SDK1: variants seen among roughly 807,000 people sequenced by gnomAD.
The protein encoded by SDK1 is protein sidekick-1.
Under a neutral mutation model 245.5 loss-of-function variants are expected in SDK1, and 157 were observed. The observed-to-expected ratio is 0.64, with a 90% CI of 0.56 to 0.73. The LOEUF (loss-of-function observed/expected upper bound fraction) is 0.73, where lower values mean the gene tolerates loss of function less well. Ranked by LOEUF, SDK1 falls within the 30% of genes least tolerant of loss-of-function variation. The probability of loss-of-function intolerance (pLI) is 0.00; values close to 1 mark genes in which losing one functional copy is unlikely to be tolerated. For synonymous variants in SDK1, 1,647 were observed against 1,278.5 expected (o/e 1.29, Z -6.15); for missense variants, 3,583 against 3,002.3 (o/e 1.19, Z -4.52).
intron 1 of SDK1, among the ~76,000 whole-genome samples, chr7:3,387,814 T>C (rs1781646996): frequency 6.6e-6 from 1 of 152,246 alleles, no homozygotes; most frequent in Non-Finnish European, 1.5e-5. Context: ...GTTTACTACA[T>C]GTCAGTACCA....
At chr7:4,101,915 G>A (rs1782577997) in intron 22 of SDK1, among the ~76,000 whole-genome samples, 1 of 152,122 alleles carries the variant, frequency 6.6e-6, no homozygotes, top group Non-Finnish European at 1.5e-5. Context: ...GATCGAGAGA[G>A]CCAGCACCCC....
In SDK1 at chr7:4,113,406, T is replaced by A. The variant is rs780139774; in HGVS notation, c.3552T>A (p.Thr1184=). 1.2e-6 allele frequency: 2 copies of A among 1,613,936 alleles called. No individual in the cohort carries two copies. Among genetic ancestry groups the A allele is most frequent in the Admixed American group, 3.3e-5 (2 of 60,026 alleles). The change falls in exon 24 of 45, where the codon ACT becomes ACA. Residue 1184 remains threonine (T), a synonymous_variant. Coordinates refer to ENST00000404826, the MANE Select transcript of SDK1 (RefSeq NM_152744.4). The part of the protein sequence containing the change: ...DVAPTSVTVR[T]ASETSLRLRW... ...CTCCAACCAGCGTCACGGTCCGTAC[T>A]GCCAGTGAGACCAGCCTGCGGCTTC...
chr7:4,232,407 C>CTTTTTTTTTTT lies in SDK1; in HGVS notation c.5828-845_5828-844insTTTTTTTTTTT, dbSNP rs201396862. On this transcript the variant is annotated intron_variant, in intron 40 of 44. Transcript: ENST00000404826. ...TTCTTTTTTTCTTTTCTTTTCTTTT[C>CTTTTTTTTTTT]TTTCTTTTTTTTTTTTTTTTGTTAT... 2.4e-3 allele frequency among the ~76,000 whole-genome samples: 179 copies of CTTTTTTTTTTT among 73,104 alleles called. 1 individual carries two copies. The highest frequency in any genetic ancestry group is 3.3e-3 in the Non-Finnish European group (127 of 38,606). 48.0% of individuals were successfully genotyped at this position (73,104 alleles called of 152,430 possible).
rs769911100 is a variant in SDK1, at chr7:4,077,104, C to G, written c.3117C>G (p.Thr1039=). 1.9e-6 allele frequency: 3 copies of G among 1,614,208 alleles called. No individual in the cohort carries two copies. The highest frequency in any genetic ancestry group is 2.2e-5 in the East Asian group (1 of 44,868). The change falls in exon 21 of 45, where the codon ACC becomes ACG. Residue 1039 remains threonine, a synonymous_variant. Transcript: ENST00000404826. ...EYKIQGLSSL[T]TYTIDVAAVT... ...AGATCCAAGGCCTCTCATCTCTCAC[C>G]ACCTACACCATCGACGTGGCCGCTG...
chr7:3,905,115 A>G (rs1468007609), intron 5 of SDK1, among the ~76,000 whole-genome samples: 1 of 151,698 alleles, frequency 6.6e-6, no homozygotes, highest in Admixed American at 6.6e-5. Flanking sequence ...TATAATCAGC[A>G]CCTTTTTTTT....
At chr7:3,356,154 G>C (rs948347254) in intron 1 of SDK1, among the ~76,000 whole-genome samples, 1 of 152,178 alleles carries the variant, frequency 6.6e-6, no homozygotes, top group Non-Finnish European at 1.5e-5. Context: ...AATGTTGCTA[G>C]GGATTCACAG....
At chr7:4,109,683 C>T (rs1254758209) in intron 22 of SDK1, among the ~76,000 whole-genome samples, 4 of 152,184 alleles carry the variant, frequency 2.6e-5, no homozygotes, top group African/African-American at 7.2e-5. Flanking sequence ...GGCACAAGGC[C>T]GTGGCTGTCT....
rs115707658 is a variant in SDK1 at position 3,577,742 on chromosome 7, G to C, written c.299-41338G>C. On this transcript the variant is annotated intron_variant, in intron 1 of 44. Transcript: ENST00000404826. The stretch of plus-strand genomic sequence containing the variant: ...TGTGAGGAAGGCATTTTCTGTGTTA[G>C]TAACGAGTGCACTGGCTTGCATTCA... 5.4e-3 allele frequency among the ~76,000 whole-genome samples: 819 copies of C among 152,180 alleles called. 11 individuals are homozygous for C. Among genetic ancestry groups the C allele is most frequent in the South Asian group, 0.018 (85 of 4,824 alleles).
intron 4 of SDK1, among the ~76,000 whole-genome samples, chr7:3,821,064 GT>G (rs1779633114): frequency 6.6e-6 from 1 of 152,218 alleles, no homozygotes; most frequent in Admixed American, 6.5e-5. Context: ...CTTGCGCTGG[GT>G]CAGGGTTGTG....
intron 41 of SDK1, among the ~76,000 whole-genome samples, chr7:4,237,395 C>T (rs943144055): frequency 6.6e-6 from 1 of 151,944 alleles, no homozygotes; most frequent in African/African-American, 2.4e-5. Context: ...GACAGAGGAG[C>T]CCTGAGCCTG....
At chr7:3,833,149 C>T (rs115637402) in intron 5 of SDK1, among the ~76,000 whole-genome samples, 53 of 152,058 alleles carry the variant, frequency 3.5e-4, no homozygotes, top group African/African-American at 1.3e-3. Flanking sequence ...ACTGGAAGTG[C>T]GGAACTCTAG....
intron 4 of SDK1, among the ~76,000 whole-genome samples, chr7:3,744,356 T>C (rs1779557636): frequency 6.6e-6 from 1 of 152,184 alleles, no homozygotes; most frequent in African/African-American, 2.4e-5. Context: ...TCATTGTTTG[T>C]AATGTCTATT....
At chr7:4,043,884 G>A (rs1461939067) in intron 17 of SDK1, among the ~76,000 whole-genome samples, 1 of 151,786 alleles carries the variant, frequency 6.6e-6, no homozygotes, top group African/African-American at 2.4e-5. Context: ...CAGAGGTTGT[G>A]GGTTCTAAGA....
At chr7:3,437,634 G>A (rs1197265901) in intron 1 of SDK1, among the ~76,000 whole-genome samples, 1 of 152,068 alleles carries the variant, frequency 6.6e-6, no homozygotes, top group African/African-American at 2.4e-5. Flanking sequence ...GGATGTGATG[G>A]TGCGCGCCTG....
At chr7:3,573,940 A>G (rs1021926590) in intron 1 of SDK1, among the ~76,000 whole-genome samples, 6 of 151,988 alleles carry the variant, frequency 3.9e-5, no homozygotes, top group African/African-American at 9.7e-5. Flanking sequence ...TCAATTCTAC[A>G]TGCATTTACT....
chr7:3,691,273 A>G (rs1368580865), intron 4 of SDK1, among the ~76,000 whole-genome samples: 1 of 152,228 alleles, frequency 6.6e-6, no homozygotes, highest in Non-Finnish European at 1.5e-5. Flanking sequence ...ACAGAGTAAA[A>G]AATGCCATAG....
At chr7:4,205,379 C>G (rs1474875355) in intron 35 of SDK1, among the ~76,000 whole-genome samples, 3 of 152,134 alleles carry the variant, frequency 2.0e-5, no homozygotes, top group African/African-American at 7.2e-5. Flanking sequence ...CTGTGACTCC[C>G]TCGCCGATAG....
intron 1 of SDK1, among the ~76,000 whole-genome samples, chr7:3,448,791 C>G (rs1176671905): frequency 1.3e-5 from 2 of 152,130 alleles, no homozygotes; most frequent in Non-Finnish European, 2.9e-5. Context: ...CCCAGCTTAA[C>G]CCATTTTCAG....
intron 1 of SDK1, among the ~76,000 whole-genome samples, chr7:3,491,936 A>G (rs576882064): frequency 4.5e-4 from 69 of 152,374 alleles, no homozygotes; most frequent in South Asian, 3.5e-3. Flanking sequence ...TTTAGCTGAT[A>G]CAGTGAATAC....
Sources: gnomAD v4.1 joint callset for allele counts (sites outside exome capture counted in the v4.1 genomes callset) on GRCh38, gnomAD v4.1.1 for gene constraint, MANE v1.5 for transcripts, NCBI Gene and HGNC (gene_info 2026-07-23, HGNC 2026-07-21) for gene names.